Variants in SCNN1B observed in about 807,000 individuals in gnomAD.
SCNN1B encodes epithelial sodium channel subunit beta.
In SCNN1B, 46 loss-of-function variants were observed where a neutral mutation model predicts 65.3. The ratio of observed to expected loss-of-function variants is 0.70; its 90% CI spans 0.56 to 0.90. The LOEUF is 0.90. SCNN1B is among the 40% of genes least tolerant of loss of function. The pLI is 0.00. For missense variants in SCNN1B, 751 were observed against 830.5 expected (o/e 0.90, Z 1.18); for synonymous variants, 349 against 330.6 (o/e 1.06, Z -0.60).
intron 4 of SCNN1B, among the ~76,000 whole-genome samples, chr16:23,358,714 C>T (rs1158769404): frequency 6.6e-6 from 1 of 152,184 alleles, no homozygotes; most frequent in East Asian, 1.9e-4. Context: ...CGAGACCAGC[C>T]TGGACAACAA....
At chr16:23,326,628 C>G (rs1052036220) in intron 1 of SCNN1B, among the ~76,000 whole-genome samples, 1 of 151,902 alleles carries the variant, frequency 6.6e-6, no homozygotes, top group Non-Finnish European at 1.5e-5. Flanking sequence ...CCATGCCCAG[C>G]TAATTTTTTT....
chr16:23,279,098 A>G (rs1292916572), intron 1 of SCNN1B, among the ~76,000 whole-genome samples: 1 of 138,360 alleles, frequency 7.2e-6, no homozygotes. Context: ...TGTGTGTGTG[A>G]TGGGGGCTGA....
chr16:23,304,395 G>C (rs775072364), intron 1 of SCNN1B, among the ~76,000 whole-genome samples: 2 of 152,096 alleles, frequency 1.3e-5, no homozygotes, highest in Non-Finnish European at 2.9e-5. Flanking sequence ...CCTCTATTCT[G>C]TCTATGACCA....
intron 4 of SCNN1B, among the ~76,000 whole-genome samples, chr16:23,356,993 C>G (rs1453609186): frequency 3.3e-5 from 5 of 152,260 alleles, no homozygotes; most frequent in African/African-American, 1.2e-4. Flanking sequence ...TTGTCGGCCT[C>G]CTGACCCAGC....
chr16:23,328,614 G>A (rs1473489104), intron 1 of SCNN1B, among the ~76,000 whole-genome samples: 1 of 152,178 alleles, frequency 6.6e-6, no homozygotes, highest in Non-Finnish European at 1.5e-5. Flanking sequence ...GAACCCAGGA[G>A]GTACTGGAAA....
chr16:23,346,565 C>T (rs1222206171), intron 1 of SCNN1B, among the ~76,000 whole-genome samples: 3 of 152,220 alleles, frequency 2.0e-5, no homozygotes, highest in Middle Eastern at 3.4e-3. Flanking sequence ...ATCACACCCT[C>T]ATGCCTCCAA....
chr16:23,358,657 A>G (rs1962468271), intron 4 of SCNN1B: 1 of 152,232 alleles, frequency 6.6e-6, no homozygotes, highest in Admixed American at 6.5e-5. Flanking sequence ...CTATAATCCC[A>G]GCACTTTGGG....
chr16:23,312,614 G>A (rs1415715497), intron 1 of SCNN1B, among the ~76,000 whole-genome samples: 2 of 152,164 alleles, frequency 1.3e-5, no homozygotes, highest in Non-Finnish European at 2.9e-5. Context: ...ACTCTGGGCT[G>A]AGAAGCCAGA....
chr16:23,296,304 A>G (rs2141972716), intron 2 of SCNN1B, among the ~76,000 whole-genome samples: 1 of 152,240 alleles, frequency 6.6e-6, no homozygotes, highest in African/African-American at 2.4e-5. Context: ...CATCTCACCA[A>G]TTCTCCTGAC....
chr16:23,291,881 T>C (rs1210419910), intron 2 of SCNN1B, among the ~76,000 whole-genome samples: 1 of 151,904 alleles, frequency 6.6e-6, no homozygotes, highest in African/African-American at 2.4e-5. Flanking sequence ...GCACCCAACC[T>C]GTGTCTCTGC....
At chr16:23,308,189 G>A (rs1244319348) in intron 1 of SCNN1B, among the ~76,000 whole-genome samples, 1 of 151,958 alleles carries the variant, frequency 6.6e-6, no homozygotes, top group African/African-American at 2.4e-5. Flanking sequence ...GGGTGACAGA[G>A]CAAGACTCTG....
chr16:23,303,096 G>A (rs1426274719), intron 1 of SCNN1B, among the ~76,000 whole-genome samples: 3 of 152,168 alleles, frequency 2.0e-5, no homozygotes, highest in Admixed American at 2.0e-4. Flanking sequence ...TCTGCGCTGA[G>A]GATTCTCAAG....
chr16:23,293,540 A>G (rs538820917), intron 2 of SCNN1B, among the ~76,000 whole-genome samples: 1 of 152,308 alleles, frequency 6.6e-6, no homozygotes, highest in South Asian at 2.1e-4. Flanking sequence ...TAAAGTTTCA[A>G]TTTGGAAAGA....
In SCNN1B at chr16:23,377,145, CCTTT is replaced by C. The variant is rs1275290509; in HGVS notation, c.1271-17_1271-14del. 7 of 1,612,120 alleles carry C rather than the reference CCTTT, an allele frequency of 4.3e-6. No individual in the cohort carries two copies. Among genetic ancestry groups the C allele is most frequent in the African/African-American group, 1.3e-5 (1 of 74,896 alleles). On this transcript the variant is annotated splice_polypyrimidine_tract_variant and intron_variant, in intron 8 of 12. Transcript: ENST00000343070. ...AAAGCCCCCTTAAACCTCTTGGCCG[CCTTT>C]CTGTCTCCTGCGCAGCCCATTGCTA...
chr16:23,336,172 AAGTCCCTCTG>A (rs1706440183), intron 1 of SCNN1B, among the ~76,000 whole-genome samples: 1 of 152,218 alleles, frequency 6.6e-6, no homozygotes, highest in African/African-American at 2.4e-5. Flanking sequence ...GACTGTGGGT[AAGTCCCTCTG>A]AGTCCCTCTG....
chr16:23,377,863 TAGAC>T (rs1416404195), intron 10 of SCNN1B, among the ~76,000 whole-genome samples: 1 of 151,906 alleles, frequency 6.6e-6, no homozygotes, highest in Non-Finnish European at 1.5e-5. Context: ...AGCACAGAAT[TAGAC>T]AGACATAATC....
intron 8 of SCNN1B, 127 bp downstream of exon 8, chr16:23,375,982 C>T: frequency 1.4e-6 from 1 of 690,178 alleles, no homozygotes; most frequent in East Asian, 2.7e-5. Context: ...GGCTCCTCCA[C>T]AGTCTGAGGT....
rs752556545 is a variant in SCNN1B at position 23,377,158 on chromosome 16, T to C, written c.1271-7T>C. 6.2e-7 allele frequency: 1 copy of C among 1,613,658 alleles called. No homozygotes were observed. Among genetic ancestry groups the C allele is most frequent in the Non-Finnish European group, 8.5e-7 (1 of 1,179,818 alleles). On this transcript the variant is annotated splice_polypyrimidine_tract_variant and splice_region_variant and intron_variant, in intron 8 of 12. Coordinates refer to ENST00000343070, the MANE Select transcript of SCNN1B (RefSeq NM_000336.3). ...ACCTCTTGGCCGCCTTTCTGTCTCCTGCGCAGCCCATTGCTACTCAGATCT... is the reference window on the plus strand; with the variant it reads ...ACCTCTTGGCCGCCTTTCTGTCTCCCGCGCAGCCCATTGCTACTCAGATCT...
chr16:23,326,871 C>T (rs991580497), intron 1 of SCNN1B, among the ~76,000 whole-genome samples: 2 of 152,022 alleles, frequency 1.3e-5, no homozygotes, highest in African/African-American at 2.4e-5. Flanking sequence ...CAGTGTACAG[C>T]GTACCCATTA....
Sources: gnomAD v4.1 joint callset for allele counts (sites outside exome capture counted in the v4.1 genomes callset) on GRCh38, gnomAD v4.1.1 for gene constraint, MANE v1.5 for transcripts, NCBI Gene and HGNC (gene_info 2026-07-23, HGNC 2026-07-21) for gene names.